Variants in CELSR2 observed in about 807,000 individuals in gnomAD.
CELSR2 encodes the protein EGF-like protein 2.
CELSR2 carries 81 observed loss-of-function variants against 251.6 expected under a neutral mutation model. The observed-to-expected ratio is 0.32, with a 90% CI of 0.27 to 0.39. CELSR2 has a LOEUF of 0.39. CELSR2 is among the 10% of genes least tolerant of loss of function. The probability of loss-of-function intolerance (pLI) is 1.00; values close to 1 mark genes in which losing one functional copy is unlikely to be tolerated. For missense variants in CELSR2, 3,365 were observed against 3,947.7 expected (o/e 0.85, Z 3.96); for synonymous variants, 1,721 against 1,670.5 (o/e 1.03, Z -0.74).
chr1:109,250,018 C>A lies in CELSR2; in HGVS notation c.-62C>A. 8.0e-7 allele frequency: 1 copy of A among 1,250,384 alleles called. No homozygotes were observed. The highest frequency in any genetic ancestry group is 1.0e-6 in the Non-Finnish European group (1 of 1,002,026). The allele number at this position is 1,250,384 out of a possible 1,614,324, so 77.5% of individuals were successfully genotyped here. A position where few individuals can be genotyped will look rare whatever the true frequency, so the allele number is the denominator to read the frequency against. ...CGGGCATGAGGCGCGGCGGGGCCGG[C>A]AGGAGCCGGAGGAGGAGCCGCCGCC... On this transcript the variant is annotated 5_prime_UTR_variant, in exon 1 of 34. Coordinates refer to ENST00000271332, the MANE Select transcript of CELSR2 (RefSeq NM_001408.3). This position sits in a 1 kb window ranked among gnomAD's most constrained non-coding sequence, Gnocchi z 4.4.
chr1:109,254,398 G>A (rs1410838723), intron 1 of CELSR2, among the ~76,000 whole-genome samples: 1 of 152,216 alleles, frequency 6.6e-6, no homozygotes, highest in Non-Finnish European at 1.5e-5. Context: ...CTGGACAGCA[G>A]GGCTGGGGGA....
chr1:109,270,420 C>T lies in CELSR2; in HGVS notation c.7309-6C>T, dbSNP rs1024312159. 2.5e-6 allele frequency: 4 copies of T among 1,613,998 alleles called. No individual in the cohort carries two copies. The highest frequency in any genetic ancestry group is 3.4e-6 in the Non-Finnish European group (4 of 1,180,022). On this transcript the variant is annotated splice_polypyrimidine_tract_variant and splice_region_variant and intron_variant, in intron 23 of 33. Coordinates refer to ENST00000271332, the MANE Select transcript of CELSR2 (RefSeq NM_001408.3). ...GTCGCTGACCTGCCCTGGCCTGGGC[C>T]CTCAGTTTGCCTGCACAGTCATTGC...
intron 1 of CELSR2, among the ~76,000 whole-genome samples, chr1:109,253,648 G>A (rs1027468527): frequency 5.3e-5 from 8 of 152,224 alleles, no homozygotes; most frequent in Non-Finnish European, 8.8e-5. Flanking sequence ...CCTGTGACGT[G>A]GTCGGGGAAG....
intron 15 of CELSR2, 153 bp downstream of exon 15, chr1:109,266,359 C>A (rs1656186850): frequency 4.5e-6 from 4 of 892,872 alleles, no homozygotes; most frequent in African/African-American, 1.7e-5. Flanking sequence ...GTTCACATTC[C>A]CCCTTCCCCA....
chr1:109,270,680 G>T (rs1656346983), intron 24 of CELSR2, 80 bp downstream of exon 24: 2 of 1,516,914 alleles, frequency 1.3e-6, no homozygotes, highest in African/African-American at 2.8e-5. Context: ...CCCACATACA[G>T]GCCCTGAGGC....
Position 109,273,634 on chromosome 1 carries a change from A to C in CELSR2, c.8708A>C (p.Lys2903Thr). The C allele has an allele frequency of 6.7e-7, 1 of 1,491,042 alleles. No homozygotes were observed. Among genetic ancestry groups the C allele is most frequent in the African/African-American group, 1.4e-5 (1 of 70,834 alleles). The allele number at this position is 1,491,042 out of a possible 1,614,324, so 92.4% of individuals were successfully genotyped here. A position where few individuals can be genotyped will look rare whatever the true frequency, so the allele number is the denominator to read the frequency against. ...NGVMPIAMSIKAGTVDEDSSG... is the reference protein window; with the variant it reads ...NGVMPIAMSITAGTVDEDSSG... ...GTCATGCCCATCGCCATGAGCATCA[A>C]GGCAGGCACGGTGGATGAGGACTCG... The change falls in exon 33 of 34, where the codon AAG becomes ACG. Residue 2903 changes from lysine to threonine, a missense_variant. By Grantham distance (78) the Lys-to-Thr change is moderately conservative (BLOSUM62 -1). Coordinates refer to ENST00000271332, the MANE Select transcript of CELSR2 (RefSeq NM_001408.3).
chr1:109,253,797 C>T (rs537821349), intron 1 of CELSR2, among the ~76,000 whole-genome samples: 3 of 152,318 alleles, frequency 2.0e-5, no homozygotes, highest in East Asian at 3.9e-4. Flanking sequence ...CCCCTTCACC[C>T]CCATCAAGAT....
intron 13 of CELSR2, 92 bp downstream of exon 13, chr1:109,265,403 C>G: frequency 7.3e-7 from 1 of 1,377,774 alleles, no homozygotes; most frequent in African/African-American, 1.5e-5. Flanking sequence ...GATGGGTCTT[C>G]CTGTAGAGCT....
Position 109,271,593 on chromosome 1 carries a change from C to T in CELSR2, c.7804-7C>T, listed in dbSNP as rs1460663196. The T allele has an allele frequency of 1.9e-6, 3 of 1,614,046 alleles. No individual in the cohort carries two copies. The highest frequency in any genetic ancestry group is 2.7e-5 in the African/African-American group (2 of 74,950). ...TGCACAGACCGTTGCTGCCTCTTGC[C>T]TGCCAGGGCCCCTTCATCTTCCTCT... On this transcript the variant is annotated splice_region_variant and splice_polypyrimidine_tract_variant and intron_variant, in intron 27 of 33. Coordinates refer to ENST00000271332, the MANE Select transcript of CELSR2 (RefSeq NM_001408.3).
chr1:109,256,421 T>C (rs1205510246), intron 1 of CELSR2, among the ~76,000 whole-genome samples: 1 of 152,134 alleles, frequency 6.6e-6, no homozygotes, highest in Non-Finnish European at 1.5e-5. Flanking sequence ...GGCAGTCGGC[T>C]GAGGACATGG....
Position 109,250,545 on chromosome 1 carries a change from C to G in CELSR2, c.466C>G (p.Leu156Val). ...QSCKLAQAPG[L>V]RAGERSPEES... is the part of the protein sequence containing the mutation. ...CTGCAAGCTGGCACAGGCCCCCGGG[C>G]TCAGGGCAGGGGAAAGGTCACCAGA... The change falls in exon 1 of 34, where the codon CTC (leucine) becomes GTC (valine). Residue 156 changes from leucine (L) to valine (V), a missense_variant. Transcript: ENST00000271332. The surrounding 1 kb of genome is among the most constrained non-coding windows in gnomAD (Gnocchi z 4.4). 6.2e-6 allele frequency: 10 copies of G among 1,613,966 alleles called. No homozygotes were observed. Among genetic ancestry groups the G allele is most frequent in the Non-Finnish European group, 8.5e-6 (10 of 1,180,016 alleles).
At position 109,267,857 on chromosome 1, in the gene CELSR2, C is replaced by T. The variant is rs761628669; in HGVS notation, c.6115C>T (p.Arg2039Trp). ...TFSELKGFAE[R>W]LQRNESGLDS... is the part of the protein sequence containing the mutation. The stretch of plus-strand genomic sequence containing the variant: ...TCCGCTCCGTCCTGTCTAGGCTGAG[C>T]GGCTACAGCGGAATGAGTCAGGCCT... Residue 2039 changes from arginine to tryptophan, a missense_variant, in exon 17 of 34, where the codon CGG (arginine) becomes TGG (tryptophan). Coordinates refer to ENST00000271332, the MANE Select transcript of CELSR2 (RefSeq NM_001408.3). The T allele has an allele frequency of 7.5e-6, 12 of 1,600,860 alleles. No individual in the cohort carries two copies. The highest frequency in any genetic ancestry group is 6.7e-5 in the East Asian group (3 of 44,652).
In CELSR2 at chr1:109,251,908, T is replaced by C; in HGVS notation, c.1829T>C (p.Phe610Ser). 6.2e-7 allele frequency: 1 copy of C among 1,614,060 alleles called. No individual in the cohort carries two copies. ...VLDVNDNNPT[F>S]TQPEYTVRLN... is the part of the protein sequence containing the mutation. The stretch of plus-strand genomic sequence containing the variant: ...GATGTCAACGACAACAATCCAACCT[T>C]TACCCAACCAGAGTACACAGTGCGG... The change falls in exon 1 of 34, where the codon TTT (phenylalanine) becomes TCT (serine). Residue 610 changes from phenylalanine to serine, a missense_variant. Phe to Ser is a radical substitution (Grantham distance 155). Coordinates refer to ENST00000271332, the MANE Select transcript of CELSR2 (RefSeq NM_001408.3). The surrounding 1 kb of genome is among the most constrained non-coding windows in gnomAD (Gnocchi z 4.9).
chr1:109,250,554 G>A lies in CELSR2; in HGVS notation c.475G>A (p.Gly159Arg), dbSNP rs758600773. The A allele has an allele frequency of 1.1e-4, 178 of 1,613,900 alleles. No individual in the cohort carries two copies. The highest frequency in any genetic ancestry group is 1.6e-4 in the Middle Eastern group (1 of 6,084). ...KLAQAPGLRA[G>R]ERSPEESLGG... ...GGCACAGGCCCCCGGGCTCAGGGCAGGGGAAAGGTCACCAGAAGAGTCCCT... is the reference window on the plus strand; with the variant it reads ...GGCACAGGCCCCCGGGCTCAGGGCAAGGGAAAGGTCACCAGAAGAGTCCCT... Residue 159 changes from glycine to arginine, a missense_variant, in exon 1 of 34, where the codon GGG (glycine) becomes AGG (arginine). Gly to Arg is a moderately radical substitution (Grantham distance 125). Around this residue, in one of 5 missense-constraint regions of CELSR2, gnomAD observed 704 missense variants for 784.1 expected, o/e 0.90. Transcript: ENST00000271332. The surrounding 1 kb of genome is among the most constrained non-coding windows in gnomAD (Gnocchi z 4.4).
At chr1:109,266,017 C>T (rs760814795) in intron 14 of CELSR2, 88 bp from the exon 15 acceptor site, 5 of 1,585,074 alleles carry the variant, frequency 3.2e-6, no homozygotes, top group Non-Finnish European at 4.3e-6. Context: ...CCTGGGGAGG[C>T]CTGGGGAGGC....
At position 109,250,171 on chromosome 1, in the gene CELSR2, G is replaced by A; in HGVS notation, c.92G>A (p.Gly31Glu). Residue 31 changes from glycine to glutamate, a missense_variant, in exon 1 of 34, where the codon GGA becomes GAA. By Grantham distance (98) the Gly-to-Glu change is moderately conservative. Around this residue, in one of 5 missense-constraint regions of CELSR2, gnomAD observed 704 missense variants for 784.1 expected, o/e 0.90. Transcript: ENST00000271332. This position sits in a 1 kb window ranked among gnomAD's most constrained non-coding sequence, Gnocchi z 4.4. ...LLLLLPPPLL[G>E]DQVGPCRSLG... Reference sequence around the variant, plus strand: ...CTGCTGCTGCCGCCGCCACTATTGGGAGACCAAGTGGGGCCCTGTCGTTCC... The same window carrying A: ...CTGCTGCTGCCGCCGCCACTATTGGAAGACCAAGTGGGGCCCTGTCGTTCC... The A allele has an allele frequency of 1.9e-6, 3 of 1,601,582 alleles. No homozygotes were observed. In the South Asian group the frequency reaches 3.3e-5, roughly 18 times the overall value.
intron 28 of CELSR2, 62 bp from the exon 29 acceptor site, chr1:109,272,216 C>CT (rs1252367253): frequency 6.6e-7 from 1 of 1,515,084 alleles, no homozygotes; most frequent in East Asian, 2.3e-5. Context: ...CACCCTCCTT[C>CT]TTCCCAGCCT....
chr1:109,265,210 C>G lies in CELSR2; in HGVS notation c.5626C>G (p.Arg1876Gly), dbSNP rs367626671. The G allele has an allele frequency of 5.6e-6, 9 of 1,607,896 alleles. No homozygotes were observed. Among genetic ancestry groups the G allele is most frequent in the Non-Finnish European group, 7.6e-6 (9 of 1,176,594 alleles). The change falls in exon 13 of 34, where the codon CGT (arginine) becomes GGT (glycine). Residue 1876 changes from arginine (R) to glycine (G), a missense_variant. Arg to Gly is a moderately radical substitution (Grantham distance 125, BLOSUM62 -2). Coordinates refer to ENST00000271332, the MANE Select transcript of CELSR2 (RefSeq NM_001408.3). Reference protein sequence around the residue: ...CETRIDQPCPRGWWGHPTCGP... With the variant: ...CETRIDQPCPGGWWGHPTCGP... ...CTGCAGGATTGACCAGCCTTGTCCCCGTGGCTGGTGGGGACATCCCACATG... is the reference window on the plus strand; with the variant it reads ...CTGCAGGATTGACCAGCCTTGTCCCGGTGGCTGGTGGGGACATCCCACATG...
chr1:109,262,169 ATG>A, intron 5 of CELSR2, 116 bp from the exon 6 acceptor site: 1 of 1,384,556 alleles, frequency 7.2e-7, no homozygotes, highest in Non-Finnish European at 9.9e-7. Context: ...GTGTATATGC[ATG>A]TGTGTACGTG....
Sources: allele counts gnomAD v4.1 joint callset (sites outside exome capture counted in the v4.1 genomes callset), GRCh38; gene constraint gnomAD v4.1.1; regional missense constraint gnomAD v4.1.1; non-coding constraint Gnocchi (gnomAD v3.1); transcripts MANE v1.5; gene names NCBI Gene and HGNC (gene_info 2026-07-23, HGNC 2026-07-21).